Variants in COA7 observed in about 807,000 individuals in gnomAD.
COA7 encodes Sel1 repeat containing 1.
A neutral mutation model predicts 21.0 loss-of-function variants in COA7; 12 were observed. The observed-to-expected ratio is 0.57, with a 90% CI of 0.37 to 0.92. COA7 has a LOEUF of 0.92. Ranked by LOEUF, COA7 falls within the 40% of genes least tolerant of loss-of-function variation. COA7 has a pLI of 0.01. For synonymous variants in COA7, 95 were observed against 107.4 expected, an observed-to-expected ratio of 0.88 and a Z score of 0.72; for missense variants, 240 against 286.1, an observed-to-expected ratio of 0.84 and a Z score of 1.16.
chr1:52,693,094 G>T (rs1188066083), intron 1 of COA7, among the ~76,000 whole-genome samples: 1 of 152,172 alleles, frequency 6.6e-6, no homozygotes, highest in Non-Finnish European at 1.5e-5. Context: ...AGCAATGCAT[G>T]GCTTGGGGAG....
At chr1:52,693,400 C>A (rs965229447) in intron 1 of COA7, among the ~76,000 whole-genome samples, 1 of 151,576 alleles carries the variant, frequency 6.6e-6, no homozygotes, top group Non-Finnish European at 1.5e-5. Flanking sequence ...CAGGGTAAAA[C>A]CCTGTCTCTA....
Position 52,698,220 on chromosome 1 carries a change from C to T in COA7, c.106+1G>A. 6.2e-7 allele frequency: 1 copy of T among 1,607,568 alleles called. No homozygotes were observed. The highest frequency in any genetic ancestry group is 1.1e-5 in the South Asian group (1 of 90,958). Reference sequence around the variant, plus strand: ...CGCCGGGCTGCGCTGGAGCCGCTCACCGTCCGGGTCCTTCTCGTGGTAGCA... The same window carrying T: ...CGCCGGGCTGCGCTGGAGCCGCTCATCGTCCGGGTCCTTCTCGTGGTAGCA... On this transcript the variant is annotated splice_donor_variant, in intron 1 of 2. Transcript: ENST00000371538. LOFTEE classifies it high-confidence loss of function.
At chr1:52,693,109 C>T (rs1018084647) in intron 1 of COA7, among the ~76,000 whole-genome samples, 1 of 152,164 alleles carries the variant, frequency 6.6e-6, no homozygotes, top group African/African-American at 2.4e-5. Flanking sequence ...GGGGAGACCT[C>T]AGCCCCTGCA....
chr1:52,696,980 G>A (rs1289967944), intron 1 of COA7, among the ~76,000 whole-genome samples: 5 of 151,864 alleles, frequency 3.3e-5, no homozygotes, highest in African/African-American at 1.2e-4. Flanking sequence ...CTGGTGGTGG[G>A]TGCCTGTAAT....
intron 1 of COA7, among the ~76,000 whole-genome samples, chr1:52,694,838 A>C (rs2149905614): frequency 6.6e-6 from 1 of 152,324 alleles, no homozygotes; most frequent in Non-Finnish European, 1.5e-5. Context: ...TGAAAGAATA[A>C]GTTTGGCACG....
In COA7 at chr1:52,698,320, CGGCCAT is replaced by C; in HGVS notation, c.1_6del (p.MetAla1_?2). On this transcript the variant is annotated start_lost and inframe_deletion, in exon 1 of 3. Coordinates refer to ENST00000371538, the MANE Select transcript of COA7 (RefSeq NM_023077.3). ...TCCTCATCCTGGAAGTCCACCATGC[CGGCCAT>C]GGTTCGCGCCGGCCCAAAGACGGTC... 5 of 1,610,532 alleles carry C rather than the reference CGGCCAT, an allele frequency of 3.1e-6. No homozygotes were observed. Among genetic ancestry groups the C allele is most frequent in the Non-Finnish European group, 4.2e-6 (5 of 1,179,280 alleles).
intron 1 of COA7, among the ~76,000 whole-genome samples, chr1:52,697,572 CTTTT>C (rs1043169608): frequency 2.6e-5 from 4 of 152,130 alleles, no homozygotes; most frequent in African/African-American, 4.8e-5. Context: ...TTACTACTTT[CTTTT>C]TATTTATTTT....
rs769726380 is a variant in COA7 at position 52,687,902 on chromosome 1, A to G, written c.514T>C (p.Cys172Arg). The G allele has an allele frequency of 1.2e-6, 2 of 1,614,154 alleles. No homozygotes were observed. The highest frequency in any genetic ancestry group is 1.3e-5 in the African/African-American group (1 of 74,954). The change falls in exon 3 of 3, where the codon TGT becomes CGT. Residue 172 changes from cysteine (C) to arginine (R), a missense_variant. Transcript: ENST00000371538. ...TCACAGGCTTTCATGGAGTATTTAC[A>G]TGCCAGGTCCATGTCCTTGGGAAAG... ...PGFPKDMDLA[C>R]KYSMKACDLG...
intron 1 of COA7, among the ~76,000 whole-genome samples, chr1:52,696,636 G>A (rs528756343): frequency 6.6e-6 from 1 of 151,916 alleles, no homozygotes; most frequent in African/African-American, 2.4e-5. Flanking sequence ...GCTATTAGAA[G>A]GTAGGGCCAG....
At chr1:52,696,012 G>A (rs921348735) in intron 1 of COA7, among the ~76,000 whole-genome samples, 4 of 152,136 alleles carry the variant, frequency 2.6e-5, no homozygotes, top group African/African-American at 4.8e-5. Context: ...CCTTCCAAAA[G>A]ATAGCACTTT....
rs1644001885 is a variant in COA7 at position 52,686,273 on chromosome 1, C to T, written c.*1447G>A. The T allele has an allele frequency of 6.6e-6, 1 of 152,184 alleles. No homozygotes were observed. Among genetic ancestry groups the T allele is most frequent in the African/African-American group, 2.4e-5 (1 of 41,458 alleles). 9.4% of individuals were successfully genotyped at this position (152,184 alleles called of 1,614,324 possible). A position where few individuals can be genotyped will look rare whatever the true frequency, so the allele number is the denominator to read the frequency against. ...TGGGGAAGTCCCTGTCCTCTATCAACTTGAGAGGCTGGCTGCTGTGCTCAC... is the reference window on the plus strand; with the variant it reads ...TGGGGAAGTCCCTGTCCTCTATCAATTTGAGAGGCTGGCTGCTGTGCTCAC... On this transcript the variant is annotated 3_prime_UTR_variant, in exon 3 of 3. Transcript: ENST00000371538.
intron 2 of COA7, among the ~76,000 whole-genome samples, chr1:52,691,893 G>A (rs1644049960): frequency 6.6e-6 from 1 of 152,182 alleles, no homozygotes; most frequent in South Asian, 2.1e-4. Context: ...GAAATGAAAA[G>A]TGTGTGACTT....
intron 1 of COA7, among the ~76,000 whole-genome samples, chr1:52,694,461 G>GA (rs59226724): frequency 0.17 from 11,122 of 64,506 alleles, 1,613 homozygotes; most frequent in African/African-American, 0.36. Context: ...ACTCCATCTC[G>GA]AAAAAAAAAA....
chr1:52,697,963 G>T (rs1052333887), intron 1 of COA7: 3 of 474,482 alleles, frequency 6.3e-6, no homozygotes, highest in Non-Finnish European at 1.1e-5. Context: ...CGAGGGCAGG[G>T]AGTTTCATCT....
intron 1 of COA7, 135 bp downstream of exon 1, chr1:52,698,086 C>T: frequency 2.9e-6 from 2 of 678,976 alleles, no homozygotes; most frequent in Non-Finnish European, 5.1e-6. Context: ...CCAACACACG[C>T]GGTCACCGCG....
chr1:52,689,352 C>G (rs140562874), intron 2 of COA7, among the ~76,000 whole-genome samples: 1 of 150,936 alleles, frequency 6.6e-6, no homozygotes, highest in South Asian at 2.1e-4. Context: ...GACGGGGTTT[C>G]ACCACGTTGG....
intron 2 of COA7, among the ~76,000 whole-genome samples, chr1:52,692,137 CT>C (rs1444193396): frequency 1.3e-5 from 2 of 152,202 alleles, no homozygotes; most frequent in Non-Finnish European, 2.9e-5. Flanking sequence ...TCAGTCAAGC[CT>C]TCCAATGTCT....
Position 52,687,561 on chromosome 1 carries a change from C to T in COA7, c.*159G>A, listed in dbSNP as rs920221656. The T allele has an allele frequency of 7.8e-6, 5 of 644,252 alleles. No homozygotes were observed. The East Asian group carries it at 8.2e-5, about 11-fold the overall frequency. 39.9% of individuals were successfully genotyped at this position (644,252 alleles called of 1,614,324 possible). ...TGAAATAAACATTGTAGGCTATACTCCAGTAGCTGGGGCAATGGATCCATG... is the reference window on the plus strand; with the variant it reads ...TGAAATAAACATTGTAGGCTATACTTCAGTAGCTGGGGCAATGGATCCATG... On this transcript the variant is annotated 3_prime_UTR_variant, in exon 3 of 3. Coordinates refer to ENST00000371538, the MANE Select transcript of COA7 (RefSeq NM_023077.3).
Position 52,693,163 on chromosome 1 carries a change from G to A in COA7, c.107-296C>T, listed in dbSNP as rs537138160. Among the ~76,000 whole-genome samples, 36 of 152,274 alleles carry A rather than the reference G, an allele frequency of 2.4e-4. No individual in the cohort carries two copies. The South Asian group carries it at 7.5e-3, about 32-fold the overall frequency. The stretch of plus-strand genomic sequence containing the variant: ...AGCCCTTCTGCTCCCTGTCAGCCAC[G>A]CCCAAGTATCCACTGACTTCCATGA... On this transcript the variant is annotated intron_variant, in intron 1 of 2. Coordinates refer to ENST00000371538, the MANE Select transcript of COA7 (RefSeq NM_023077.3).
Sources: allele counts gnomAD v4.1 joint callset (sites outside exome capture counted in the v4.1 genomes callset), GRCh38; gene constraint gnomAD v4.1.1; transcripts MANE v1.5; gene names NCBI Gene and HGNC (gene_info 2026-07-23, HGNC 2026-07-21).